COPG2: variants seen among roughly 807,000 people sequenced by gnomAD.
COPG2 encodes coatomer subunit gamma-2.
In COPG2, 37 loss-of-function variants were observed where a neutral mutation model predicts 46.3. The observed-to-expected ratio is 0.80, with a 90% confidence interval of 0.61 to 1.05. COPG2 has a LOEUF of 1.05. COPG2 is among the 50% of genes least tolerant of loss of function. The pLI, the probability that COPG2 is intolerant of heterozygous loss-of-function variation, is 0.00. For synonymous variants in COPG2, 159 were observed against 129.7 expected (o/e 1.23, Z -1.53); for missense variants, 427 against 387.8 (o/e 1.10, Z -0.85).
chr7:130,513,377 GTGTGTGTGTGTGTA>G (rs1563034216), intron 20 of COPG2, among the ~76,000 whole-genome samples: 137 of 76,722 alleles, frequency 1.8e-3, no homozygotes, highest in Middle Eastern at 9.4e-3. Flanking sequence ...ATATATATAT[GTGTGTGTGTGTGTA>G]TATATATATA....
At chr7:130,653,856 A>AC (rs1375109360) in intron 4 of COPG2, among the ~76,000 whole-genome samples, 3 of 152,230 alleles carry the variant, frequency 2.0e-5, no homozygotes, top group Non-Finnish European at 2.9e-5. Flanking sequence ...ACAGAAAAAA[A>AC]ACACACACAG....
intron 5 of COPG2, among the ~76,000 whole-genome samples, chr7:130,642,213 A>C (rs1390415508): frequency 6.6e-6 from 1 of 150,436 alleles, no homozygotes; most frequent in African/African-American, 2.5e-5. Context: ...TTGTCAATAT[A>C]CATTTAGTTA....
intron 5 of COPG2, among the ~76,000 whole-genome samples, chr7:130,618,363 A>G (rs1351389241): frequency 6.6e-6 from 1 of 152,112 alleles, no homozygotes; most frequent in East Asian, 1.9e-4. Context: ...GGTTTTCATC[A>G]TTAGATTTTA....
At chr7:130,570,586 G>T (rs934805441) in intron 9 of COPG2, among the ~76,000 whole-genome samples, 5 of 152,258 alleles carry the variant, frequency 3.3e-5, no homozygotes, top group African/African-American at 9.6e-5. Flanking sequence ...GCTCATGGAT[G>T]AGTAGAATCA....
chr7:130,544,082 G>A (rs1203518170), intron 20 of COPG2, among the ~76,000 whole-genome samples: 1 of 152,158 alleles, frequency 6.6e-6, no homozygotes, highest in African/African-American at 2.4e-5. Context: ...TGAATCAAAT[G>A]TTCTACCAAT....
chr7:130,631,822 T>C (rs1795239420), intron 5 of COPG2, among the ~76,000 whole-genome samples: 1 of 152,204 alleles, frequency 6.6e-6, no homozygotes, highest in Non-Finnish European at 1.5e-5. Context: ...CAGTTTAACA[T>C]TTCCAGTATT....
intron 9 of COPG2, among the ~76,000 whole-genome samples, chr7:130,568,086 G>A (rs1011450006): frequency 2.0e-4 from 31 of 152,062 alleles, no homozygotes; most frequent in Non-Finnish European, 1.2e-4. Flanking sequence ...AGACCAGCCT[G>A]GCCAACATGG....
rs565837643 is a variant in COPG2, at chr7:130,618,000, T to C, written c.324-935A>G. 4.2e-5 allele frequency among the ~76,000 whole-genome samples: 6 copies of C among 141,298 alleles called. No individual in the cohort carries two copies. In the South Asian group the frequency reaches 6.9e-4, roughly 16 times the overall value. 92.7% of individuals were successfully genotyped at this position (141,298 alleles called of 152,430 possible). On this transcript the variant is annotated intron_variant, in intron 5 of 23. Transcript: ENST00000425248. ...CCTGTAGTCTCAGCTACTTGGGAGGTTGAGGTGGGAGGACTGCTTGAACCC... is the reference window on the plus strand; with the variant it reads ...CCTGTAGTCTCAGCTACTTGGGAGGCTGAGGTGGGAGGACTGCTTGAACCC...
chr7:130,609,779 T>A (rs1794805931), intron 9 of COPG2, among the ~76,000 whole-genome samples: 1 of 152,218 alleles, frequency 6.6e-6, no homozygotes. Flanking sequence ...CTGTGTCCAA[T>A]CTGCTATTAA....
At chr7:130,568,465 C>T (rs1371123954) in intron 9 of COPG2, among the ~76,000 whole-genome samples, 7 of 152,046 alleles carry the variant, frequency 4.6e-5, no homozygotes, top group African/African-American at 1.2e-4. Context: ...AAAGCAAAGA[C>T]GGACATTATA....
At position 130,513,304 on chromosome 7, in the gene COPG2, AAAAAATATATATATATATAT is replaced by A. The variant is rs1232480173; in HGVS notation, c.2150-4665_2150-4646del. 1.0e-3 allele frequency among the ~76,000 whole-genome samples: 49 copies of A among 48,480 alleles called. 3 individuals are homozygous for A. Among genetic ancestry groups the A allele is most frequent in the African/African-American group, 3.6e-3 (46 of 12,902 alleles). The allele number at this position is 48,480 out of a possible 152,430, so 31.8% of individuals were successfully genotyped here. A position where few individuals can be genotyped will look rare whatever the true frequency, so the allele number is the denominator to read the frequency against. ...ATAATTCTGTCTAAAAAAAAAAAAA[AAAAAATATATATATATATAT>A]ATATATATATATATATATGTGTGTG... On this transcript the variant is annotated intron_variant, in intron 20 of 23. Transcript: ENST00000425248.
intron 11 of COPG2, among the ~76,000 whole-genome samples, chr7:130,562,220 G>A (rs1403835067): frequency 2.0e-5 from 3 of 152,166 alleles, no homozygotes; most frequent in Non-Finnish European, 2.9e-5. Context: ...TTAGCCGGAC[G>A]TGGTGGCAGG....
intron 5 of COPG2, among the ~76,000 whole-genome samples, chr7:130,649,007 A>C (rs1209406577): frequency 1.3e-5 from 2 of 152,178 alleles, no homozygotes; most frequent in African/African-American, 4.8e-5. Context: ...CTGCTGACGT[A>C]GAATTCTCAA....
chr7:130,543,733 A>G, intron 20 of COPG2, among the ~76,000 whole-genome samples: 1 of 152,332 alleles, frequency 6.6e-6, no homozygotes. Context: ...TTTTTCCCCT[A>G]AGGCAAAAGG....
intron 10 of COPG2, among the ~76,000 whole-genome samples, chr7:130,563,887 T>C (rs1175770816): frequency 6.6e-6 from 1 of 151,232 alleles, no homozygotes; most frequent in Non-Finnish European, 1.5e-5. Flanking sequence ...AACTAAATGG[T>C]AGAAATATTG....
intron 20 of COPG2, among the ~76,000 whole-genome samples, chr7:130,522,939 G>A (rs1190127215): frequency 6.6e-6 from 1 of 151,354 alleles, no homozygotes; most frequent in South Asian, 2.1e-4. Flanking sequence ...CCAACATGGC[G>A]AAACCCTGTC....
At chr7:130,594,606 A>G (rs1484150884) in intron 9 of COPG2, among the ~76,000 whole-genome samples, 1 of 152,256 alleles carries the variant, frequency 6.6e-6, no homozygotes, top group Non-Finnish European at 1.5e-5. Flanking sequence ...TTTATAAATT[A>G]TGTATCTGAT....
chr7:130,511,339 G>A (rs1554440977), intron 20 of COPG2: 1 of 501,286 alleles, frequency 2.0e-6, no homozygotes, highest in South Asian at 1.5e-5. Flanking sequence ...CAGGCTAACT[G>A]CAGCAGTCTA....
At chr7:130,559,505 C>T (rs1464343340) in intron 12 of COPG2, among the ~76,000 whole-genome samples, 7 of 152,186 alleles carry the variant, frequency 4.6e-5, no homozygotes, top group Middle Eastern at 3.2e-3. Flanking sequence ...ACTGCTGCCA[C>T]TACTGGAGCC....
Sources: allele counts gnomAD v4.1 joint callset (sites outside exome capture counted in the v4.1 genomes callset), GRCh38; gene constraint gnomAD v4.1.1; transcripts MANE v1.5; gene names NCBI Gene and HGNC (gene_info 2026-07-23, HGNC 2026-07-21).